The following IMPDH2 variants were observed in gnomAD, a reference collection of about 807,000 sequenced individuals.
The protein encoded by IMPDH2 is inosine-5'-monophosphate dehydrogenase 2.
A neutral mutation model predicts 57.8 loss-of-function variants in IMPDH2; 33 were observed. The observed-to-expected ratio is 0.57, with a 90% CI of 0.43 to 0.76. The LOEUF (loss-of-function observed/expected upper bound fraction) is 0.76. Among genes scored for constraint, IMPDH2 ranks in the 30% least tolerant of loss-of-function variants. The pLI is 0.00. For missense variants in IMPDH2, 446 were observed against 659.1 expected, an observed-to-expected ratio of 0.68 and a Z score of 3.54; for synonymous variants, 270 against 241.3, an observed-to-expected ratio of 1.12 and a Z score of -1.10.
chr3:49,026,296 T>G (rs747135195), intron 9 of IMPDH2, 28 bp downstream of exon 9: 12 of 1,496,438 alleles, frequency 8.0e-6, no homozygotes, highest in Non-Finnish European at 9.2e-6. Flanking sequence ...CTGGGGTCTC[T>G]GTGGGCCCTA....
chr3:49,026,237 C>CA, intron 9 of IMPDH2, 87 bp downstream of exon 9: 2 of 1,024,952 alleles, frequency 2.0e-6, no homozygotes, highest in Non-Finnish European at 3.0e-6. Flanking sequence ...TTGGAGGGCT[C>CA]TATTGTCCCC....
intron 1 of IMPDH2, 167 bp downstream of exon 1, chr3:49,029,086 C>T (rs1183102314): frequency 5.9e-6 from 4 of 678,646 alleles, no homozygotes; most frequent in Non-Finnish European, 1.1e-5. Flanking sequence ...TCTCCGTACC[C>T]CAAGCACCGC....
At chr3:49,024,836 C>T (rs1358415808) in intron 11 of IMPDH2, 34 bp from the exon 12 acceptor site, 2 of 1,614,080 alleles carry the variant, frequency 1.2e-6, no homozygotes, top group Admixed American at 1.7e-5. Flanking sequence ...GGCAAGGTCA[C>T]AGCAGAGATG....
chr3:49,027,672 C>G, intron 5 of IMPDH2, 38 bp downstream of exon 5: 1 of 1,552,434 alleles, frequency 6.4e-7, no homozygotes, highest in Non-Finnish European at 8.9e-7. Flanking sequence ...TCAACCTGGG[C>G]TGCTAGAGCT....
rs1210637527 is a variant in IMPDH2, at chr3:49,024,502, G to T, written c.1516C>A (p.Leu506Ile). 6.2e-7 allele frequency: 1 copy of T among 1,614,174 alleles called. No individual in the cohort carries two copies. The highest frequency in any genetic ancestry group is 1.3e-5 in the African/African-American group (1 of 75,034). The stretch of plus-strand genomic sequence containing the variant: ...AAGGACAGGGTGACTTACGAATGGA[G>T]GCTATGGACGCCACCTTCCACCTGG... ...SAQVEGGVHS[L>I]HSYEKRLF The change falls in exon 13 of 14, where the codon CTC becomes ATC. Residue 506 changes from leucine to isoleucine, a missense_variant. Physicochemically the swap from Leu to Ile is conservative, Grantham distance 5. Coordinates refer to ENST00000326739, the MANE Select transcript of IMPDH2 (RefSeq NM_000884.3).
intron 4 of IMPDH2, 32 bp downstream of exon 4, chr3:49,028,216 G>T (rs941848849): frequency 6.3e-7 from 1 of 1,578,072 alleles, no homozygotes; most frequent in South Asian, 1.1e-5. Context: ...CAATTCCCAG[G>T]AGCGCTTGCT....
At chr3:49,027,937 A>T (rs780671983) in intron 4 of IMPDH2, 21 bp from the exon 5 acceptor site, 9 of 1,562,860 alleles carry the variant, frequency 5.8e-6, no homozygotes, top group Non-Finnish European at 7.9e-6. Context: ...ATGGTGAGAA[A>T]GGGCATCGCA....
At chr3:49,027,618 A>G (rs1015360254) in intron 5 of IMPDH2, 92 bp downstream of exon 5, 1 of 1,068,100 alleles carries the variant, frequency 9.4e-7, no homozygotes, top group South Asian at 1.3e-5. Flanking sequence ...TCCCAGAGAG[A>G]AGAGGCTATC....
intron 11 of IMPDH2, 38 bp from the exon 12 acceptor site, chr3:49,024,840 A>G (rs2093190745): frequency 6.2e-7 from 1 of 1,614,056 alleles, no homozygotes; most frequent in African/African-American, 1.3e-5. Flanking sequence ...AGGTCACAGC[A>G]GAGATGAGAC....
At chr3:49,025,836 G>A (rs906091599) in intron 9 of IMPDH2, among the ~76,000 whole-genome samples, 1 of 152,202 alleles carries the variant, frequency 6.6e-6, no homozygotes, top group Non-Finnish European at 1.5e-5. Context: ...AGAAGGAAGA[G>A]GGAGCTATGT....
chr3:49,024,430 G>T lies in IMPDH2; in HGVS notation c.1524-26C>A, dbSNP rs756590404. The T allele has an allele frequency of 3.1e-6, 5 of 1,614,208 alleles. No homozygotes were observed. In the East Asian group the frequency reaches 1.1e-4, roughly 36 times the overall value. On this transcript the variant is annotated intron_variant, in intron 13 of 13. Coordinates refer to ENST00000326739, the MANE Select transcript of IMPDH2 (RefSeq NM_000884.3). ...CTGCAGGCAGAAGGACCACCTGTGA[G>T]GTGAGGGCAGGAGAAAGGAGGCATG...
At position 49,024,785 on chromosome 3, in the gene IMPDH2, T is replaced by G. The variant is rs1254819648; in HGVS notation, c.1313A>C (p.Lys438Thr). Residue 438 changes from lysine to threonine, a missense_variant, in exon 12 of 14, where the codon AAA becomes ACA. Transcript: ENST00000326739. ...NRYFSEADKI[K>T]VAQGVSGAVQ... ...AGCACCAGACACTCCCTGGGCCACT[T>G]TGATTTTGTCAGCTTCACTGCAGGG... 1 of 1,614,120 alleles carries G rather than the reference T, an allele frequency of 6.2e-7. No individual in the cohort carries two copies. Among genetic ancestry groups the G allele is most frequent in the Non-Finnish European group, 8.5e-7 (1 of 1,179,996 alleles).
chr3:49,027,670 G>A, intron 5 of IMPDH2, 40 bp downstream of exon 5: 1 of 1,543,318 alleles, frequency 6.5e-7, no homozygotes, highest in Non-Finnish European at 9.0e-7. Flanking sequence ...CTTCAACCTG[G>A]GCTGCTAGAG....
In IMPDH2 at chr3:49,026,943, C is replaced by G. The variant is rs751354119; in HGVS notation, c.619+17G>C. On this transcript the variant is annotated intron_variant, in intron 6 of 13. Transcript: ENST00000326739. ...CTAGGCATTAGTTCCAGGCCCTTTC[C>G]CAGCTCTAGGACTTACCCTTCTTGC... is the stretch of plus-strand genomic sequence containing the variant. 1 of 1,613,804 alleles carries G rather than the reference C, an allele frequency of 6.2e-7. No individual in the cohort carries two copies. The highest frequency in any genetic ancestry group is 1.1e-5 in the South Asian group (1 of 91,088).
chr3:49,026,790 TC>T lies in IMPDH2; in HGVS notation c.715del (p.Asp239MetfsTer32), dbSNP rs765304509. 6.2e-7 allele frequency: 1 copy of T among 1,614,228 alleles called. No homozygotes were observed. Among genetic ancestry groups the T allele is most frequent in the South Asian group, 1.1e-5 (1 of 91,090 alleles). The part of the protein sequence containing the change: ...KNRDYPLASK[D>X]AKKQLLCGAA... ...CCCACACAGCAGCTGTTTCTTGGCA[TC>T]TTTGGAGGCTAGTGGGTAGTCCCGA... On this transcript the variant is annotated frameshift_variant, in exon 7 of 14. Transcript: ENST00000326739. LOFTEE classifies it high-confidence loss of function.
chr3:49,027,926 G>C lies in IMPDH2; in HGVS notation c.325-10C>G, dbSNP rs1030058567. The C allele has an allele frequency of 3.1e-6, 5 of 1,604,374 alleles. No individual in the cohort carries two copies. The African/African-American group carries it at 4.0e-5, about 13-fold the overall frequency. ...ATCCCTGTTCATATTTCTGGAAAGG[G>C]ATGGTGAGAAAGGGCATCGCATCTT... On this transcript the variant is annotated splice_polypyrimidine_tract_variant and intron_variant, in intron 4 of 13. Coordinates refer to ENST00000326739, the MANE Select transcript of IMPDH2 (RefSeq NM_000884.3).
Position 49,028,251 on chromosome 3 carries a change from C to T in IMPDH2, c.321G>A (p.Val107=). The change falls in exon 4 of 14, where the codon GTG becomes GTA. Residue 107 remains valine (V), a synonymous_variant. Transcript: ENST00000326739. ...PEFQANEVRK[V]KKYEQGFITD... ...TAATGATCGTTGCCCTTCTGACCTTCACTTTCCGAACTTCATTGGCCTGGA... is the reference window on the plus strand; with the variant it reads ...TAATGATCGTTGCCCTTCTGACCTTTACTTTCCGAACTTCATTGGCCTGGA... 6.2e-7 allele frequency: 1 copy of T among 1,614,076 alleles called. No homozygotes were observed. Among genetic ancestry groups the T allele is most frequent in the Non-Finnish European group, 8.5e-7 (1 of 1,179,902 alleles).
At position 49,026,072 on chromosome 3, in the gene IMPDH2, TAAAAC is replaced by T. The variant is rs1258808772; in HGVS notation, c.1006+247_1006+251del. The T allele has an allele frequency of 1.8e-5, 11 of 606,018 alleles. No homozygotes were observed. The East Asian group carries it at 2.4e-4, about 13-fold the overall frequency. 37.5% of individuals were successfully genotyped at this position (606,018 alleles called of 1,614,324 possible). A position where few individuals can be genotyped will look rare whatever the true frequency, so the allele number is the denominator to read the frequency against. ...TGGAGGGATCTTGGGAGCCACTAAA[TAAAAC>T]AAACAGACCAGAGTTTAGAGAAGGT... On this transcript the variant is annotated intron_variant, in intron 9 of 13. Transcript: ENST00000326739.
At position 49,024,891 on chromosome 3, in the gene IMPDH2, C is replaced by T. The variant is rs1487872816; in HGVS notation, c.1295+5G>A. 4.3e-6 allele frequency: 7 copies of T among 1,614,220 alleles called. No homozygotes were observed. The highest frequency in any genetic ancestry group is 2.2e-5 in the East Asian group (1 of 44,892). On this transcript the variant is annotated splice_donor_5th_base_variant and intron_variant, in intron 11 of 13. Transcript: ENST00000326739. Reference sequence around the variant, plus strand: ...AGGGTGGGGTAACTGGCTTGCCTGTCCCACCTGAAATATCTGTTCTGGCTG... The same window carrying T: ...AGGGTGGGGTAACTGGCTTGCCTGTTCCACCTGAAATATCTGTTCTGGCTG...
Sources: gnomAD v4.1 joint callset for allele counts (sites outside exome capture counted in the v4.1 genomes callset) on GRCh38, gnomAD v4.1.1 for gene constraint, MANE v1.5 for transcripts, NCBI Gene and HGNC (gene_info 2026-07-23, HGNC 2026-07-21) for gene names.